USP7: variants seen among roughly 807,000 people sequenced by gnomAD.
USP7 encodes the protein ubiquitin specific peptidase 7, also known as ubiquitin C-terminal hydrolase 7.
USP7 carries 9 observed loss-of-function variants against 162.9 expected under a neutral mutation model. The observed-to-expected ratio is 0.06, with a 90% CI of 0.03 to 0.10. The LOEUF is 0.10. USP7 is among the 10% of genes least tolerant of loss of function. The pLI is 1.00. For synonymous variants in USP7, 562 were observed against 475.9 expected (o/e 1.18, Z -2.35); for missense variants, 715 against 1,373.7 (o/e 0.52, Z 7.58).
Position 8,963,223 on chromosome 16 carries a change from C to T in USP7, c.63G>A (p.Glu21=). Residue 21 remains glutamate (E), a synonymous_variant, in exon 1 of 31, where the codon GAG becomes GAA. Transcript: ENST00000344836. ...KAGEQQLSEP[E]DMEMEAGDTD... The stretch of plus-strand genomic sequence containing the variant: ...GGGCCTCACCTTCCATCTCCATGTC[C>T]TCGGGCTCGCTCAACTGCTGCTCGC... The T allele has an allele frequency of 7.1e-7, 1 of 1,411,106 alleles. No homozygotes were observed. Among genetic ancestry groups the T allele is most frequent in the Non-Finnish European group, 9.3e-7 (1 of 1,073,032 alleles). 87.4% of individuals were successfully genotyped at this position (1,411,106 alleles called of 1,614,324 possible).
At chr16:8,926,734 T>C (rs1323550712) in intron 2 of USP7, among the ~76,000 whole-genome samples, 1 of 152,160 alleles carries the variant, frequency 6.6e-6, no homozygotes, top group Non-Finnish European at 1.5e-5. Flanking sequence ...GCACAAAGAC[T>C]CCAATCTGCC....
intron 10 of USP7, among the ~76,000 whole-genome samples, chr16:8,911,863 G>A (rs1018747065): frequency 1.3e-5 from 2 of 152,160 alleles, no homozygotes; most frequent in African/African-American, 4.8e-5. Context: ...GATGAGGATT[G>A]GGGGGAACAA....
intron 1 of USP7, among the ~76,000 whole-genome samples, chr16:8,936,218 A>G (rs1439585517): frequency 1.3e-5 from 2 of 152,062 alleles, no homozygotes; most frequent in Non-Finnish European, 2.9e-5. Context: ...CTAGTGATCA[A>G]AACTACAGCT....
At chr16:8,915,864 A>T (rs1257390431) in intron 8 of USP7, among the ~76,000 whole-genome samples, 1 of 152,212 alleles carries the variant, frequency 6.6e-6, no homozygotes, top group Non-Finnish European at 1.5e-5. Context: ...ACACCAAGAG[A>T]TTAATGAGGT....
chr16:8,920,252 G>T, intron 5 of USP7, 107 bp downstream of exon 5: 1 of 945,430 alleles, frequency 1.1e-6, no homozygotes, highest in Non-Finnish European at 1.6e-6. Context: ...GCGCAGAGAG[G>T]AGGCTTACTG....
chr16:8,894,705 C>T, intron 29 of USP7, 65 bp from the exon 30 acceptor site: 2 of 1,611,394 alleles, frequency 1.2e-6, no homozygotes, highest in Non-Finnish European at 8.5e-7. Flanking sequence ...ACATCTCTGG[C>T]AAAAAAGCCT....
At chr16:8,908,604 TG>T (rs2061895920) in intron 11 of USP7, among the ~76,000 whole-genome samples, 154 bp from the exon 12 acceptor site, 1 of 152,220 alleles carries the variant, frequency 6.6e-6, no homozygotes, top group South Asian at 2.1e-4. Flanking sequence ...ATCTTTGAAA[TG>T]TTTTCTTTAG....
rs140478337 is a variant in USP7, at chr16:8,922,692, G to C, written c.383+523C>G. On this transcript the variant is annotated intron_variant, in intron 3 of 30. Transcript: ENST00000344836. ...AGAATCAACTGGGTTTTTGATAAAG[G>C]GTGAATTAATTTTCTAATTCATCTA... 3.2e-3 allele frequency among the ~76,000 whole-genome samples: 486 copies of C among 152,266 alleles called. 1 individual carries two copies. The highest frequency in any genetic ancestry group is 0.011 in the African/African-American group (458 of 41,552).
chr16:8,894,711 A>G, intron 29 of USP7, 71 bp from the exon 30 acceptor site: 1 of 1,612,736 alleles, frequency 6.2e-7, no homozygotes, highest in African/African-American at 1.3e-5. Context: ...CTGGCAAAAA[A>G]GCCTAGGCCG....
chr16:8,899,913 C>T, intron 21 of USP7, 156 bp from the exon 22 acceptor site: 2 of 871,960 alleles, frequency 2.3e-6, no homozygotes, highest in East Asian at 2.6e-5. Flanking sequence ...TCTGCCTGAG[C>T]TCCCTCTGTA....
chr16:8,935,923 T>A (rs969521211), intron 1 of USP7: 1 of 152,138 alleles, frequency 6.6e-6, no homozygotes, highest in Non-Finnish European at 1.5e-5. Context: ...GGAAGTTACG[T>A]AGACCACTTC....
At chr16:8,923,134 A>ATG in intron 3 of USP7, 81 bp downstream of exon 3, 1 of 1,062,500 alleles carries the variant, frequency 9.4e-7, no homozygotes, top group Admixed American at 1.9e-5. Flanking sequence ...TCAAAAGGCT[A>ATG]TGTAGAGGCA....
chr16:8,950,568 C>G (rs1899503728), intron 1 of USP7, among the ~76,000 whole-genome samples: 1 of 152,206 alleles, frequency 6.6e-6, no homozygotes, highest in South Asian at 2.1e-4. Context: ...TGGGACAGAG[C>G]TTTCAGCAGC....
chr16:8,944,870 T>C (rs1161147406), intron 1 of USP7, among the ~76,000 whole-genome samples: 3 of 151,626 alleles, frequency 2.0e-5, no homozygotes, highest in African/African-American at 7.3e-5. Context: ...CTTGGGAGGC[T>C]GAAGTGAGGG....
At chr16:8,938,694 C>A (rs1377404387) in intron 1 of USP7, among the ~76,000 whole-genome samples, 14 of 140,016 alleles carry the variant, frequency 1.0e-4, no homozygotes, top group African/African-American at 4.0e-4. Flanking sequence ...TTGGGTAACA[C>A]AGCAAGACTC....
chr16:8,957,362 A>T (rs530889785), intron 1 of USP7, among the ~76,000 whole-genome samples: 5 of 152,228 alleles, frequency 3.3e-5, no homozygotes, highest in Non-Finnish European at 5.9e-5. Flanking sequence ...GGCAAGAAAT[A>T]TGTTGTTACA....
At chr16:8,954,334 T>A (rs1390555417) in intron 1 of USP7, among the ~76,000 whole-genome samples, 1 of 152,176 alleles carries the variant, frequency 6.6e-6, no homozygotes, top group Non-Finnish European at 1.5e-5. Flanking sequence ...GATACCTTTT[T>A]AAGAAATCTG....
Position 8,902,467 on chromosome 16 carries a change from G to T in USP7, c.1855C>A (p.Gln619Lys). The T allele has an allele frequency of 1.9e-6, 3 of 1,613,146 alleles. No homozygotes were observed. Among genetic ancestry groups the T allele is most frequent in the Non-Finnish European group, 2.5e-6 (3 of 1,179,754 alleles). Residue 619 changes from glutamine to lysine, a missense_variant, in exon 17 of 31, where the codon CAA (glutamine) becomes AAA (lysine). By Grantham distance (53) the Gln-to-Lys change is moderately conservative (BLOSUM62 1). Coordinates refer to ENST00000344836, the MANE Select transcript of USP7 (RefSeq NM_003470.3). ...LSQTMGFPQD[Q>K]IRLWPMQARS... ...GCTTGCATGGGCCACAATCGAATTT[G>T]ATCTTGTGGAAATCCCTGAAAAAAA... is the stretch of plus-strand genomic sequence containing the variant.
intron 1 of USP7, among the ~76,000 whole-genome samples, chr16:8,933,306 G>C (rs982747388): frequency 2.6e-5 from 4 of 152,068 alleles, no homozygotes; most frequent in South Asian, 2.1e-4. Context: ...AGCACTTGTG[G>C]GGGGCCAAGA....
Sources: allele counts gnomAD v4.1 joint callset (sites outside exome capture counted in the v4.1 genomes callset), GRCh38; gene constraint gnomAD v4.1.1; transcripts MANE v1.5; gene names NCBI Gene and HGNC (gene_info 2026-07-23, HGNC 2026-07-21).